The following AGBL1 variants were observed in gnomAD, a reference collection of about 807,000 sequenced individuals.
AGBL1 encodes the protein cytosolic carboxypeptidase 4.
AGBL1 carries 130 observed loss-of-function variants against 118.9 expected under a neutral mutation model. The observed-to-expected ratio is 1.09, with a 90% CI of 0.95 to 1.26. The LOEUF is 1.26. Ranked by LOEUF, AGBL1 falls within the 50% of genes most tolerant of loss-of-function variation. The pLI, the probability that AGBL1 is intolerant of heterozygous loss-of-function variation, is 0.00. For synonymous variants in AGBL1, 555 were observed against 478.9 expected, an observed-to-expected ratio of 1.16 and a Z score of -2.08; for missense variants, 1,584 against 1,298.1, an observed-to-expected ratio of 1.22 and a Z score of -3.38.
chr15:86,661,479 G>C (rs1210135033), intron 21 of AGBL1, among the ~76,000 whole-genome samples: 1 of 151,694 alleles, frequency 6.6e-6, no homozygotes, highest in Non-Finnish European at 1.5e-5. Context: ...ATTTGCTGGA[G>C]ATAATGATGC....
intron 22 of AGBL1, among the ~76,000 whole-genome samples, chr15:86,752,884 C>T (rs977618434): frequency 1.3e-5 from 2 of 152,060 alleles, no homozygotes; most frequent in African/African-American, 2.4e-5. Flanking sequence ...AGATGAGGGA[C>T]ATTAATTGCT....
At position 86,950,921 on chromosome 15, in the gene AGBL1, A is replaced by G. The variant is rs893046694; in HGVS notation, c.3222-37066A>G. Reference sequence around the variant, plus strand: ...AATAAAAAAATAAAATAAAAACACTATATGAAACAAGGCTGAGAGTAGAGT... The same window carrying G: ...AATAAAAAAATAAAATAAAAACACTGTATGAAACAAGGCTGAGAGTAGAGT... On this transcript the variant is annotated intron_variant, in intron 23 of 24. Coordinates refer to the AGBL1 transcript ENST00000441037. Among the ~76,000 whole-genome samples the G allele has an allele frequency of 2.6e-5, 4 of 152,302 alleles. No individual in the cohort carries two copies. In the East Asian group the frequency reaches 5.8e-4, roughly 22 times the overall value.
intron 5 of AGBL1, among the ~76,000 whole-genome samples, chr15:86,166,402 G>T (rs2141733273): frequency 6.6e-6 from 1 of 152,252 alleles, no homozygotes; most frequent in African/African-American, 2.4e-5. Context: ...CCTTTATAAT[G>T]CCTTTCTCAG....
At chr15:86,445,680 G>T (rs1172494011) in intron 18 of AGBL1, among the ~76,000 whole-genome samples, 1 of 152,184 alleles carries the variant, frequency 6.6e-6, no homozygotes, top group Non-Finnish European at 1.5e-5. Flanking sequence ...TTCTGTGGAT[G>T]ATTTTTCCCT....
At chr15:86,102,240 C>T (rs1217759451) in intron 1 of AGBL1, among the ~76,000 whole-genome samples, 1 of 152,084 alleles carries the variant, frequency 6.6e-6, no homozygotes, top group Non-Finnish European at 1.5e-5. Flanking sequence ...GGGGTTTTGC[C>T]ACATTGGCCA....
chr15:86,616,312 G>A (rs1316425097), intron 21 of AGBL1, among the ~76,000 whole-genome samples: 1 of 148,550 alleles, frequency 6.7e-6, no homozygotes, highest in Non-Finnish European at 1.5e-5. Flanking sequence ...ACTCCAGCCT[G>A]GGTGACAGAG....
Position 86,095,646 on chromosome 15 carries a change from C to CTTTTTTTTTTTT in AGBL1, c.51+15623_51+15624insTTTTTTTTTTTT, listed in dbSNP as rs1896319963. On this transcript the variant is annotated intron_variant, in intron 1 of 22. Transcript: ENST00000614907. ...TCATAATGTCACATGACCTTGGATA[C>CTTTTTTTTTTTT]CTTTTTTTTTTTTTTTTTTTTTTTT... is the stretch of plus-strand genomic sequence containing the variant. 2.4e-4 allele frequency among the ~76,000 whole-genome samples: 28 copies of CTTTTTTTTTTTT among 116,684 alleles called. 14 individuals are homozygous for CTTTTTTTTTTTT. The highest frequency in any genetic ancestry group is 3.8e-4 in the Admixed American group (4 of 10,488). 76.5% of individuals were successfully genotyped at this position (116,684 alleles called of 152,430 possible).
Position 86,560,650 on chromosome 15 carries a change from T to C in AGBL1, c.2994+6113T>C, listed in dbSNP as rs1353117366. On this transcript the variant is annotated intron_variant, in intron 21 of 22. Transcript: ENST00000614907. ...CAGGATTTATAATCCTTTGGTTATATACCCAGTAATGGGATGGCTGAGTCA... is the reference window on the plus strand; with the variant it reads ...CAGGATTTATAATCCTTTGGTTATACACCCAGTAATGGGATGGCTGAGTCA... Among the ~76,000 whole-genome samples, 3 of 152,260 alleles carry C rather than the reference T, an allele frequency of 2.0e-5. No individual in the cohort carries two copies. In the East Asian group the frequency reaches 5.8e-4, roughly 29 times the overall value.
At chr15:86,518,094 A>G (rs780105159) in intron 18 of AGBL1, among the ~76,000 whole-genome samples, 7 of 152,108 alleles carry the variant, frequency 4.6e-5, no homozygotes, top group Admixed American at 6.6e-5. Flanking sequence ...GATGGGCTCT[A>G]TCCCTCTGTT....
At chr15:86,760,278 G>A (rs147088115) in intron 22 of AGBL1, among the ~76,000 whole-genome samples, 53 of 152,170 alleles carry the variant, frequency 3.5e-4, no homozygotes, top group African/African-American at 9.6e-4. Context: ...GGAACTGTAC[G>A]TTAGGGTGTC....
rs190386923 is a variant in AGBL1 at position 86,803,669 on chromosome 15, C to T, written c.3159-103418C>T. Among the ~76,000 whole-genome samples, 204 of 152,190 alleles carry T rather than the reference C, an allele frequency of 1.3e-3. 1 individual carries two copies. The highest frequency in any genetic ancestry group is 2.5e-3 in the Non-Finnish European group (171 of 68,012). On this transcript the variant is annotated intron_variant, in intron 22 of 22. Transcript: ENST00000614907. ...TCTCCTAAATGGTGTGGCAATATTG[C>T]TGTTGCTTCTTGGTAAGGACAAAAT...
At chr15:86,689,532 A>G (rs1451913295) in intron 22 of AGBL1, among the ~76,000 whole-genome samples, 3 of 152,156 alleles carry the variant, frequency 2.0e-5, no homozygotes, top group Admixed American at 6.6e-5. Context: ...ATGGGAAGAT[A>G]TGAAGACTTA....
chr15:86,094,247 T>A (rs1896213902), intron 1 of AGBL1, among the ~76,000 whole-genome samples: 1 of 152,168 alleles, frequency 6.6e-6, no homozygotes, highest in Non-Finnish European at 1.5e-5. Flanking sequence ...ATATATGTTA[T>A]CTATGATAAT....
intron 7 of AGBL1, among the ~76,000 whole-genome samples, chr15:86,252,929 C>G (rs569224065): frequency 6.6e-6 from 1 of 152,132 alleles, no homozygotes; most frequent in African/African-American, 2.4e-5. Context: ...AAAGAATCAC[C>G]GCAAAGAGAA....
At chr15:86,958,393 T>C (rs2080955690) in intron 23 of AGBL1, among the ~76,000 whole-genome samples, 1 of 151,658 alleles carries the variant, frequency 6.6e-6, no homozygotes. Flanking sequence ...AACCACAGAG[T>C]TAAATTAATT....
intron 24 of AGBL1, among the ~76,000 whole-genome samples, chr15:86,997,896 C>T (rs1240623564): frequency 8.7e-5 from 2 of 22,922 alleles, no homozygotes; most frequent in African/African-American, 3.6e-4. Flanking sequence ...GGAAGACACA[C>T]ACACACACAC....
At chr15:86,767,526 C>G (rs756566380) in intron 22 of AGBL1, among the ~76,000 whole-genome samples, 1 of 151,896 alleles carries the variant, frequency 6.6e-6, no homozygotes, top group Non-Finnish European at 1.5e-5. Flanking sequence ...GCAAATATTT[C>G]AGAGGCAAAC....
chr15:86,415,209 ATGAGCTTCC>A (rs2081674803), intron 18 of AGBL1, among the ~76,000 whole-genome samples: 1 of 152,134 alleles, frequency 6.6e-6, no homozygotes, highest in South Asian at 2.1e-4. Flanking sequence ...GTTCTTGAAT[ATGAGCTTCC>A]TGTAGGGAGG....
intron 22 of AGBL1, among the ~76,000 whole-genome samples, chr15:86,683,815 C>T (rs2086005645): frequency 6.6e-6 from 1 of 152,200 alleles, no homozygotes; most frequent in Non-Finnish European, 1.5e-5. Flanking sequence ...TTTTCCCAAA[C>T]AGGAGCAGTT....
Sources: allele counts gnomAD v4.1 joint callset (sites outside exome capture counted in the v4.1 genomes callset), GRCh38; gene constraint gnomAD v4.1.1; transcripts MANE v1.5; gene names NCBI Gene and HGNC (gene_info 2026-07-23, HGNC 2026-07-21).